ELL3: variants seen among roughly 807,000 people sequenced by gnomAD.
ELL3 encodes the protein RNA polymerase II elongation factor ELL3.
A neutral mutation model predicts 58.5 loss-of-function variants in ELL3; 48 were observed. That is an observed-to-expected ratio of 0.82 (90% CI 0.65 to 1.04). ELL3 has a LOEUF of 1.04. Ranked by LOEUF, ELL3 falls within the 50% of genes least tolerant of loss-of-function variation. ELL3 has a pLI of 0.00. For synonymous variants in ELL3, 174 were observed against 173.2 expected (o/e 1.00, Z -0.04); for missense variants, 458 against 478.4 (o/e 0.96, Z 0.40).
At chr15:43,773,808 C>G (rs891993649) in intron 9 of ELL3, among the ~76,000 whole-genome samples, 2 of 151,984 alleles carry the variant, frequency 1.3e-5, no homozygotes, top group Non-Finnish European at 2.9e-5. Flanking sequence ...TCAAGACCAG[C>G]CTGGCCAACA....
chr15:43,774,183 T>C lies in ELL3; in HGVS notation c.1037A>G (p.Lys346Arg). ...KRVRRGTPEY[K>R]VLEDKIIQEY... ...AGCCAGGCTGGGTCCTGTCCTTACCTTGTATTCTGGAGTTCCTCGCCGAAC... is the reference window on the plus strand; with the variant it reads ...AGCCAGGCTGGGTCCTGTCCTTACCCTGTATTCTGGAGTTCCTCGCCGAAC... Residue 346 changes from lysine (K) to arginine (R), a missense_variant and splice_region_variant, in exon 9 of 11, where the codon AAG becomes AGG. Transcript: ENST00000319359. 3.7e-6 allele frequency: 6 copies of C among 1,614,142 alleles called. No individual in the cohort carries two copies. The highest frequency in any genetic ancestry group is 5.1e-6 in the Non-Finnish European group (6 of 1,179,998).
intron 2 of ELL3, 24 bp downstream of exon 2, chr15:43,776,485 C>T: frequency 6.4e-7 from 1 of 1,560,488 alleles, no homozygotes; most frequent in Non-Finnish European, 8.7e-7. Flanking sequence ...TCACCTCGCT[C>T]ACACACCCTG....
chr15:43,776,763 G>A lies in ELL3; in HGVS notation c.132+7C>T. On this transcript the variant is annotated splice_region_variant and intron_variant, in intron 1 of 10. Coordinates refer to ENST00000319359, the MANE Select transcript of ELL3 (RefSeq NM_025165.3). Reference sequence around the variant, plus strand: ...CAGTGACTAGAGAAGAAGGGGGCCGGCCGTACCTGTTGCCGCTGACACTCT... The same window carrying A: ...CAGTGACTAGAGAAGAAGGGGGCCGACCGTACCTGTTGCCGCTGACACTCT... 6.2e-7 allele frequency: 1 copy of A among 1,600,620 alleles called. No individual in the cohort carries two copies. Among genetic ancestry groups the A allele is most frequent in the Non-Finnish European group, 8.5e-7 (1 of 1,171,312 alleles).
rs1453976827 is a variant in ELL3 at position 43,774,829 on chromosome 15, C to T, written c.646-56G>A. ...CAGCCAAGAGCTTCCTAAATATGTT[C>T]TTCTCTCAAGAATTTCTCCTAGGCT... is the stretch of plus-strand genomic sequence containing the variant. On this transcript the variant is annotated intron_variant, in intron 6 of 10. Transcript: ENST00000319359. The T allele has an allele frequency of 2.7e-6, 4 of 1,507,232 alleles. No homozygotes were observed. In the African/African-American group the frequency reaches 4.2e-5, roughly 16 times the overall value. The allele number at this position is 1,507,232 out of a possible 1,614,324, so 93.4% of individuals were successfully genotyped here.
At chr15:43,775,228 G>C (rs571954390) in intron 6 of ELL3, 78 bp downstream of exon 6, 1 of 1,398,736 alleles carries the variant, frequency 7.1e-7, no homozygotes, top group Non-Finnish European at 9.7e-7. Flanking sequence ...TTGACTAAAA[G>C]TGCTTTTCAA....
At chr15:43,775,198 T>C in intron 6 of ELL3, 108 bp downstream of exon 6, 1 of 1,154,482 alleles carries the variant, frequency 8.7e-7, no homozygotes, top group Non-Finnish European at 1.2e-6. Flanking sequence ...ATAACGAGCT[T>C]CCAATTTCTA....
chr15:43,776,678 C>G, intron 1 of ELL3, 92 bp downstream of exon 1: 2 of 1,548,850 alleles, frequency 1.3e-6, no homozygotes, highest in South Asian at 2.4e-5. Flanking sequence ...TTGCGGAAGC[C>G]GCTCCCTCTC....
rs2086902259 is a variant in ELL3, at chr15:43,774,733, T to C, written c.686A>G (p.Lys229Arg). The C allele has an allele frequency of 6.2e-7, 1 of 1,613,502 alleles. No homozygotes were observed. Among genetic ancestry groups the C allele is most frequent in the East Asian group, 2.2e-5 (1 of 44,880 alleles). ...CACTAAAGGCAGAGTTCTGAACCTC[T>C]TTTCTTCCAGTTCTACAGTGGCTAC... ...VPVATVELEEKRFRTLPLVPS... is the reference protein window; with the variant it reads ...VPVATVELEERRFRTLPLVPS... Residue 229 changes from lysine (K) to arginine (R), a missense_variant, in exon 7 of 11, where the codon AAG becomes AGG. By Grantham distance (26) the Lys-to-Arg change is conservative. Coordinates refer to ENST00000319359, the MANE Select transcript of ELL3 (RefSeq NM_025165.3).
At position 43,774,792 on chromosome 15, in the gene ELL3, G is replaced by T; in HGVS notation, c.646-19C>A. The T allele has an allele frequency of 6.3e-7, 1 of 1,580,204 alleles. No homozygotes were observed. Among genetic ancestry groups the T allele is most frequent in the Non-Finnish European group, 8.6e-7 (1 of 1,168,384 alleles). On this transcript the variant is annotated intron_variant, in intron 6 of 10. Transcript: ENST00000319359. Reference sequence around the variant, plus strand: ...AACGTTTCTGTTGAGGAAAATATCTGTGTGACATAAACAGCCAAGAGCTTC... The same window carrying T: ...AACGTTTCTGTTGAGGAAAATATCTTTGTGACATAAACAGCCAAGAGCTTC...
chr15:43,776,936 A>AG lies in ELL3; in HGVS notation c.-36_-35insC, dbSNP rs2086923592. 6.2e-7 allele frequency: 1 copy of AG among 1,604,502 alleles called. No homozygotes were observed. Among genetic ancestry groups the AG allele is most frequent in the East Asian group, 2.2e-5 (1 of 44,810 alleles). On this transcript the variant is annotated 5_prime_UTR_variant, in exon 1 of 11. Coordinates refer to ENST00000319359, the MANE Select transcript of ELL3 (RefSeq NM_025165.3). ...TTCGAGTGCAAGCAGCACGGGGGCC[A>AG]CAGGCGAGGGCCACCACCGCCACCT...
chr15:43,772,850 C>A lies in ELL3; in HGVS notation c.*266G>T, dbSNP rs2086889409. Reference sequence around the variant, plus strand: ...GTCATTTCTCAGGACTTGAAAATGACTTGGCTGAACTAAAGGTAAAAAAGC... The same window carrying A: ...GTCATTTCTCAGGACTTGAAAATGAATTGGCTGAACTAAAGGTAAAAAAGC... On this transcript the variant is annotated 3_prime_UTR_variant, in exon 11 of 11. Transcript: ENST00000319359. 1 of 313,160 alleles carries A rather than the reference C, an allele frequency of 3.2e-6. No individual in the cohort carries two copies. Among genetic ancestry groups the A allele is most frequent in the Non-Finnish European group, 5.8e-6 (1 of 172,790 alleles). 19.4% of individuals were successfully genotyped at this position (313,160 alleles called of 1,614,324 possible).
At position 43,776,777 on chromosome 15, in the gene ELL3, C is replaced by T. The variant is rs868175497; in HGVS notation, c.125G>A (p.Arg42Gln). The T allele has an allele frequency of 3.1e-6, 5 of 1,605,006 alleles. No individual in the cohort carries two copies. Among genetic ancestry groups the T allele is most frequent in the East Asian group, 2.2e-5 (1 of 44,636 alleles). The change falls in exon 1 of 11, where the codon CGG becomes CAG. Residue 42 changes from arginine to glutamine, a missense_variant. Arg to Gln is a conservative substitution (Grantham distance 43, BLOSUM62 1). Transcript: ENST00000319359. ...GAAGGGGGCCGGCCGTACCTGTTGC[C>T]GCTGACACTCTTGCAGCGCCCGCAG... The part of the protein sequence containing the change: ...AALRALQECQ[R>Q]QQVRPVIAFQ...
chr15:43,772,860 C>T lies in ELL3; in HGVS notation c.*256G>A, dbSNP rs1004630498. On this transcript the variant is annotated 3_prime_UTR_variant, in exon 11 of 11. Transcript: ENST00000319359. ...AGGACTTGAAAATGACTTGGCTGAA[C>T]TAAAGGTAAAAAAGCCAAGCCTCTG... 14 of 332,324 alleles carry T rather than the reference C, an allele frequency of 4.2e-5. No individual in the cohort carries two copies. The highest frequency in any genetic ancestry group is 9.3e-5 in the Admixed American group (2 of 21,438). 20.6% of individuals were successfully genotyped at this position (332,324 alleles called of 1,614,324 possible).
rs191757047 is a variant in ELL3 at position 43,775,933 on chromosome 15, G to A, written c.282-10C>T. ...GCTGTTAGGCCCAGACCTGGAAAAGGATGGTGGAAAAAAATAGGAGGGTGG... is the reference window on the plus strand; with the variant it reads ...GCTGTTAGGCCCAGACCTGGAAAAGAATGGTGGAAAAAAATAGGAGGGTGG... On this transcript the variant is annotated splice_polypyrimidine_tract_variant and intron_variant, in intron 3 of 10. Coordinates refer to ENST00000319359, the MANE Select transcript of ELL3 (RefSeq NM_025165.3). 6,271 of 1,613,912 alleles carry A rather than the reference G, an allele frequency of 3.9e-3. 20 individuals carry two copies. The highest frequency in any genetic ancestry group is 7.7e-3 in the South Asian group (701 of 91,058).
In ELL3 at chr15:43,772,828, A is replaced by T. The variant is rs1254847608; in HGVS notation, c.*288T>A. On this transcript the variant is annotated 3_prime_UTR_variant, in exon 11 of 11. Coordinates refer to ENST00000319359, the MANE Select transcript of ELL3 (RefSeq NM_025165.3). Reference sequence around the variant, plus strand: ...ATTATTTTATCCTGAAGATGATGTCATTTCTCAGGACTTGAAAATGACTTG... The same window carrying T: ...ATTATTTTATCCTGAAGATGATGTCTTTTCTCAGGACTTGAAAATGACTTG... The T allele has an allele frequency of 3.7e-6, 1 of 273,160 alleles. No homozygotes were observed. Among genetic ancestry groups the T allele is most frequent in the Non-Finnish European group, 6.8e-6 (1 of 147,462 alleles). 16.9% of individuals were successfully genotyped at this position (273,160 alleles called of 1,614,324 possible). A position where few individuals can be genotyped will look rare whatever the true frequency, so the allele number is the denominator to read the frequency against.
rs1444379933 is a variant in ELL3, at chr15:43,775,885, C to G, written c.320G>C (p.Arg107Thr). The G allele has an allele frequency of 6.2e-7, 1 of 1,614,198 alleles. No individual in the cohort carries two copies. The highest frequency in any genetic ancestry group is 2.2e-5 in the East Asian group (1 of 44,886). The part of the protein sequence containing the change: ...PNSLHCLGSL[R>T]ERLIIWAAMD... The stretch of plus-strand genomic sequence containing the variant: ...GGCTGCCCAAATAATGAGGCGCTCC[C>G]TGAGTGAGCCCAGGCAGTGGAGGCT... Residue 107 changes from arginine (R) to threonine (T), a missense_variant, in exon 4 of 11, where the codon AGG becomes ACG. Coordinates refer to ENST00000319359, the MANE Select transcript of ELL3 (RefSeq NM_025165.3).
chr15:43,774,711 T>C lies in ELL3; in HGVS notation c.708A>G (p.Leu236=), dbSNP rs765934375. Residue 236 remains leucine (L), a synonymous_variant, in exon 7 of 11, where the codon TTA becomes TTG. Coordinates refer to ENST00000319359, the MANE Select transcript of ELL3 (RefSeq NM_025165.3). ...TCAGGCCTTGTAGGGGGCTTGGCAC[T>C]AAAGGCAGAGTTCTGAACCTCTTTT... ...LEEKRFRTLP[L]VPSPLQGLTN... is the part of the protein sequence containing the mutation. The C allele has an allele frequency of 3.7e-6, 6 of 1,614,014 alleles. No individual in the cohort carries two copies. The African/African-American group carries it at 6.7e-5, about 18-fold the overall frequency.
At position 43,774,325 on chromosome 15, in the gene ELL3, G is replaced by A; in HGVS notation, c.895C>T (p.Gln299Ter). 1 of 1,614,224 alleles carries A rather than the reference G, an allele frequency of 6.2e-7. No individual in the cohort carries two copies. The change falls in exon 9 of 11, where the codon CAG (glutamine) becomes TAG (stop). Residue 299 changes from glutamine (Q) to a stop codon, truncating the protein, a stop_gained. Transcript: ENST00000319359. LOFTEE classifies it high-confidence loss of function. Reference protein sequence around the residue: ...LQYRAIHSAEQQHAYEQDFET... With the variant: ...LQYRAIHSAE ...AAGTCCTGCTCATAGGCATGTTGCT[G>A]TTCTGCACTGTGGATGGCCCTGTAT...
chr15:43,773,192 C>G lies in ELL3; in HGVS notation c.1118G>C (p.Cys373Ser), dbSNP rs1471715872. The change falls in exon 11 of 11, where the codon TGT becomes TCT. Residue 373 changes from cysteine (C) to serine (S), a missense_variant. Coordinates refer to ENST00000319359, the MANE Select transcript of ELL3 (RefSeq NM_025165.3). ...YPSYREEKRR[C>S]EYLHQKLSHI... is the part of the protein sequence containing the mutation. Reference sequence around the variant, plus strand: ...GGACAATTTCTGGTGAAGGTACTCACAGCGACGCTTTTCTTCTCTGTAACT... The same window carrying G: ...GGACAATTTCTGGTGAAGGTACTCAGAGCGACGCTTTTCTTCTCTGTAACT... The G allele has an allele frequency of 3.1e-6, 5 of 1,613,924 alleles. No individual in the cohort carries two copies. The African/African-American group carries it at 6.7e-5, about 22-fold the overall frequency.
Sources: gnomAD v4.1 joint callset for allele counts (sites outside exome capture counted in the v4.1 genomes callset) on GRCh38, gnomAD v4.1.1 for gene constraint, MANE v1.5 for transcripts, NCBI Gene and HGNC (gene_info 2026-07-23, HGNC 2026-07-21) for gene names.